Variants in SLC38A6 observed in about 807,000 individuals in gnomAD.
The protein encoded by SLC38A6 is N system amino acid transporter NAT-1.
A neutral mutation model predicts 65.0 loss-of-function variants in SLC38A6; 73 were observed. That is an observed-to-expected ratio of 1.12 (90% confidence interval 0.93 to 1.37). The LOEUF is 1.37. Among genes scored for constraint, SLC38A6 ranks in the 40% most tolerant of loss-of-function variants. The probability of loss-of-function intolerance (pLI) is 0.00; values close to 1 mark genes in which losing one functional copy is unlikely to be tolerated. For missense variants in SLC38A6, 561 were observed against 531.1 expected (o/e 1.06, Z -0.55); for synonymous variants, 183 against 178.8 (o/e 1.02, Z -0.19).
intron 3 of SLC38A6, 21 bp downstream of exon 3, chr14:60,984,824 G>A: frequency 6.2e-7 from 1 of 1,606,700 alleles, no homozygotes; most frequent in South Asian, 1.1e-5. Flanking sequence ...ATGTTATGCT[G>A]CTTCATTTAA....
intron 3 of SLC38A6, among the ~76,000 whole-genome samples, chr14:61,012,304 A>G (rs1249469333): frequency 1.3e-5 from 2 of 151,978 alleles, no homozygotes; most frequent in Admixed American, 6.6e-5. Context: ...CTAGCGGTCT[A>G]TCAATTTTGT....
At chr14:61,002,200 G>A (rs1458048441) in intron 3 of SLC38A6, 1 of 152,150 alleles carries the variant, frequency 6.6e-6, no homozygotes, top group African/African-American at 2.4e-5. Flanking sequence ...TCTGTTTTCT[G>A]TGTTGAGTGT....
At chr14:60,991,938 T>C (rs1201240813) in intron 3 of SLC38A6, among the ~76,000 whole-genome samples, 2 of 152,156 alleles carry the variant, frequency 1.3e-5, no homozygotes, top group African/African-American at 2.4e-5. Context: ...CATTTTCTTG[T>C]TGCCAGAACT....
Position 61,050,542 on chromosome 14 carries a change from A to G in SLC38A6, c.956A>G (p.Tyr319Cys). The change falls in exon 13 of 16, where the codon TAT becomes TGT. Residue 319 changes from tyrosine to cysteine, a missense_variant. Coordinates refer to ENST00000267488, the MANE Select transcript of SLC38A6 (RefSeq NM_153811.3). ...GTGGAGTCAGAATTACTAAAAGGTTATAGTAAATACTTATCACATGATGTT... is the reference window on the plus strand; with the variant it reads ...GTGGAGTCAGAATTACTAAAAGGTTGTAGTAAATACTTATCACATGATGTT... ...DKVESELLKG[Y>C]SKYLSHDVVV... 6.4e-7 allele frequency: 1 copy of G among 1,566,760 alleles called. No individual in the cohort carries two copies. Among genetic ancestry groups the G allele is most frequent in the South Asian group, 1.2e-5 (1 of 86,108 alleles).
rs117854096 is a variant in SLC38A6 at position 61,069,002 on chromosome 14, C to G, written c.1291-9808C>G. On this transcript the variant is annotated intron_variant, in intron 15 of 16. Transcript: ENST00000354886. ...CCTATCTAAATCTCAGCCTTCATCT[C>G]TTTGTGCCTGAAGTATTGCAGTGAT... 1.1e-3 allele frequency among the ~76,000 whole-genome samples: 162 copies of G among 152,292 alleles called. No homozygotes were observed. The East Asian group carries it at 0.022, about 21-fold the overall frequency.
chr14:60,986,649 G>C (rs1346349672), intron 3 of SLC38A6, among the ~76,000 whole-genome samples: 2 of 152,168 alleles, frequency 1.3e-5, no homozygotes, highest in African/African-American at 2.4e-5. Flanking sequence ...AAATATATTT[G>C]TAAATCCTGC....
At chr14:61,003,515 T>C (rs180929731) in intron 3 of SLC38A6, among the ~76,000 whole-genome samples, 133 of 152,348 alleles carry the variant, frequency 8.7e-4, no homozygotes, top group African/African-American at 3.0e-3. Context: ...TCAAATGTTT[T>C]AAATATTTTA....
intron 3 of SLC38A6, among the ~76,000 whole-genome samples, chr14:60,993,065 A>G (rs1055984780): frequency 3.3e-5 from 5 of 152,052 alleles, no homozygotes; most frequent in African/African-American, 1.2e-4. Flanking sequence ...CCAGGCTGGT[A>G]TAGAACTCCT....
chr14:61,002,399 A>T (rs1212816324), intron 3 of SLC38A6, among the ~76,000 whole-genome samples: 7 of 152,300 alleles, frequency 4.6e-5, no homozygotes, highest in African/African-American at 1.7e-4. Flanking sequence ...TCAAAATAAT[A>T]AGGGTACATT....
rs1234156543 is a variant in SLC38A6 at position 61,042,129 on chromosome 14, A to C, written c.625-1018A>C. ...CAGCTTGTCTAGTTTATCCTTCTAC[A>C]GTAATTTTTTTCTTGGTGAGGTTTT... On this transcript the variant is annotated intron_variant, in intron 8 of 15. Transcript: ENST00000267488. 2.0e-5 allele frequency among the ~76,000 whole-genome samples: 3 copies of C among 152,056 alleles called. No individual in the cohort carries two copies. The East Asian group carries it at 5.8e-4, about 29-fold the overall frequency.
At chr14:60,999,669 C>T (rs2038563480) in intron 3 of SLC38A6, among the ~76,000 whole-genome samples, 1 of 152,116 alleles carries the variant, frequency 6.6e-6, no homozygotes. Flanking sequence ...AGAGATTATC[C>T]TGGTGGACTC....
intron 2 of SLC38A6, among the ~76,000 whole-genome samples, chr14:60,984,167 T>C (rs2037284275): frequency 6.6e-6 from 1 of 152,234 alleles, no homozygotes; most frequent in African/African-American, 2.4e-5. Context: ...TCAAATTGCA[T>C]CATTAGAGGT....
At chr14:60,982,952 A>G (rs897092026) in intron 2 of SLC38A6, among the ~76,000 whole-genome samples, 3 of 152,190 alleles carry the variant, frequency 2.0e-5, no homozygotes, top group Admixed American at 6.5e-5. Context: ...AGCCATGCAG[A>G]TTAACTTCCA....
intron 12 of SLC38A6, among the ~76,000 whole-genome samples, chr14:61,047,131 A>G (rs978418427): frequency 6.8e-4 from 104 of 152,234 alleles, no homozygotes; most frequent in African/African-American, 2.4e-3. Flanking sequence ...AAACACTATT[A>G]TATTTAGGGA....
chr14:61,036,314 CT>C (rs1178246429), intron 6 of SLC38A6, among the ~76,000 whole-genome samples: 5 of 151,936 alleles, frequency 3.3e-5, no homozygotes, highest in African/African-American at 9.7e-5. Context: ...CAGTAAACAT[CT>C]TTTTATAAAA....
chr14:60,984,437 G>C (rs899439894), intron 2 of SLC38A6, among the ~76,000 whole-genome samples: 1 of 151,486 alleles, frequency 6.6e-6, no homozygotes, highest in Admixed American at 6.6e-5. Context: ...TTTAATGGCT[G>C]ATTCAGCAGT....
Position 61,015,950 on chromosome 14 carries a change from T to G in SLC38A6, c.357T>G (p.Pro119=). 6.2e-7 allele frequency: 1 copy of G among 1,605,746 alleles called. No homozygotes were observed. Among genetic ancestry groups the G allele is most frequent in the Non-Finnish European group, 8.5e-7 (1 of 1,177,816 alleles). ...TTGGACTCTTTGCATTTGGATTACC[T>G]GGAAAGGTAATTTTTTTTCCTCCTC... ...EDLGLFAFGL[P]GKLVVAGTII... is the part of the protein sequence containing the mutation. The change falls in exon 4 of 16, where the codon CCT becomes CCG. Residue 119 remains proline (P), a synonymous_variant. Transcript: ENST00000267488.
intron 5 of SLC38A6, among the ~76,000 whole-genome samples, chr14:61,025,626 AT>A (rs1308263282): frequency 6.6e-6 from 1 of 152,200 alleles, no homozygotes; most frequent in African/African-American, 2.4e-5. Context: ...ATTGAAAATT[AT>A]AAAATTTTCA....
intron 8 of SLC38A6, among the ~76,000 whole-genome samples, chr14:61,039,833 A>AT (rs2041676468): frequency 6.6e-6 from 1 of 152,010 alleles, no homozygotes; most frequent in African/African-American, 2.4e-5. Context: ...TTTATATCAT[A>AT]TTTTTTAAAA....
Sources: gnomAD v4.1 joint callset for allele counts (sites outside exome capture counted in the v4.1 genomes callset) on GRCh38, gnomAD v4.1.1 for gene constraint, MANE v1.5 for transcripts, NCBI Gene and HGNC (gene_info 2026-07-23, HGNC 2026-07-21) for gene names.